MAP3K7CL: variants seen among roughly 807,000 people sequenced by gnomAD.
MAP3K7CL encodes MAP3K7 C-terminal-like protein.
MAP3K7CL carries 16 observed loss-of-function variants against 18.6 expected under a neutral mutation model. The ratio of observed to expected loss-of-function variants is 0.86; its 90% CI spans 0.58 to 1.31. The LOEUF (loss-of-function observed/expected upper bound fraction) is 1.31. MAP3K7CL is among the 50% of genes most tolerant of loss of function. The pLI is 0.00. For missense variants in MAP3K7CL, 163 were observed against 174.4 expected (o/e 0.93, Z 0.37); for synonymous variants, 65 against 66.8 (o/e 0.97, Z 0.13).
intron 2 of MAP3K7CL, among the ~76,000 whole-genome samples, chr21:29,145,275 A>AT (rs368444105): frequency 0.024 from 3,657 of 149,938 alleles, 133 homozygotes; most frequent in African/African-American, 0.083. Context: ...TCAAGCAACT[A>AT]TTTTTTTTTT....
intron 4 of MAP3K7CL, among the ~76,000 whole-genome samples, chr21:29,124,912 G>T (rs1210709479): frequency 6.6e-6 from 1 of 152,148 alleles, no homozygotes; most frequent in Non-Finnish European, 1.5e-5. Flanking sequence ...AACAGAAAGT[G>T]TATGGCCTGA....
chr21:29,086,870 T>C (rs996560401), intron 1 of MAP3K7CL, among the ~76,000 whole-genome samples: 3 of 152,226 alleles, frequency 2.0e-5, no homozygotes, highest in Admixed American at 6.5e-5. Context: ...CTTTCCTGAG[T>C]ATTCACTCTG....
chr21:29,160,862 G>A (rs546951297), intron 4 of MAP3K7CL, among the ~76,000 whole-genome samples: 2 of 152,342 alleles, frequency 1.3e-5, no homozygotes, highest in South Asian at 4.1e-4. Flanking sequence ...AGCCTGGTAT[G>A]ATATGTGGCA....
chr21:29,101,323 G>A (rs143608847), intron 4 of MAP3K7CL, among the ~76,000 whole-genome samples: 10 of 152,324 alleles, frequency 6.6e-5, no homozygotes, highest in African/African-American at 2.4e-4. Flanking sequence ...TAGATACTGG[G>A]TCAAGTAATA....
chr21:29,106,436 G>A (rs1365258924), intron 4 of MAP3K7CL, among the ~76,000 whole-genome samples: 1 of 152,100 alleles, frequency 6.6e-6, no homozygotes, highest in African/African-American at 2.4e-5. Context: ...CCTGAAAAAG[G>A]CAGTACTTCC....
intron 3 of MAP3K7CL, among the ~76,000 whole-genome samples, chr21:29,151,988 A>T (rs2087287141): frequency 6.6e-6 from 1 of 151,596 alleles, no homozygotes; most frequent in Non-Finnish European, 1.5e-5. Flanking sequence ...CATGGTTTTG[A>T]TTTTTTTTTC....
At chr21:29,150,637 C>T (rs895580908) in intron 3 of MAP3K7CL, among the ~76,000 whole-genome samples, 1 of 152,136 alleles carries the variant, frequency 6.6e-6, no homozygotes, top group Admixed American at 6.5e-5. Context: ...TTTTTCTATC[C>T]TCCATGCAGG....
chr21:29,077,905 A>G (rs1348738149), intron 1 of MAP3K7CL, among the ~76,000 whole-genome samples: 1 of 152,146 alleles, frequency 6.6e-6, no homozygotes, highest in African/African-American at 2.4e-5. Flanking sequence ...CCTCCAGGAG[A>G]GCTAAAAGCC....
intron 3 of MAP3K7CL, among the ~76,000 whole-genome samples, chr21:29,151,989 T>A (rs2087287236): frequency 6.6e-6 from 1 of 150,548 alleles, no homozygotes; most frequent in Admixed American, 6.6e-5. Flanking sequence ...ATGGTTTTGA[T>A]TTTTTTTTCC....
intron 1 of MAP3K7CL, among the ~76,000 whole-genome samples, chr21:29,078,876 A>G (rs1198087020): frequency 6.6e-6 from 1 of 152,228 alleles, no homozygotes; most frequent in Admixed American, 6.5e-5. Context: ...AGGCATGGCT[A>G]AGGTAAAGTC....
rs535172078 is a variant in MAP3K7CL, at chr21:29,167,063, T to C, written c.248+7007T>C. 7.0e-4 allele frequency among the ~76,000 whole-genome samples: 107 copies of C among 152,374 alleles called. 1 individual carries two copies. Among genetic ancestry groups the C allele is most frequent in the South Asian group, 3.9e-3 (19 of 4,828 alleles). ...AATTTTTCCACATCTTTGCCAACAC[T>C]TCTTGTGCCTTTTAGATTCTAGCCA... On this transcript the variant is annotated intron_variant, in intron 4 of 4. Coordinates refer to ENST00000399928, the MANE Select transcript of MAP3K7CL (RefSeq NM_001286620.2).
intron 4 of MAP3K7CL, among the ~76,000 whole-genome samples, chr21:29,167,866 A>AT (rs2087729782): frequency 1.3e-5 from 2 of 151,706 alleles, no homozygotes; most frequent in African/African-American, 2.4e-5. Context: ...TACCCAGCTA[A>AT]TTTTTTGTAT....
At position 29,100,104 on chromosome 21, in the gene MAP3K7CL, A is replaced by T. The variant is rs1003840341; in HGVS notation, c.370+7523A>T. ...TCTTTAAAAAAAAAAAAAAAAAAAA[A>T]GGAAATGGATCTCCTCCTCCCACCT... On this transcript the variant is annotated intron_variant, in intron 4 of 6. Transcript: ENST00000286791. 5.4e-5 allele frequency among the ~76,000 whole-genome samples: 8 copies of T among 147,288 alleles called. No homozygotes were observed. In the East Asian group the frequency reaches 1.1e-3, roughly 19 times the overall value.
intron 4 of MAP3K7CL, among the ~76,000 whole-genome samples, chr21:29,097,897 T>C (rs906070344): frequency 1.3e-5 from 2 of 152,204 alleles, no homozygotes; most frequent in South Asian, 4.1e-4. Context: ...AAAATGTGTG[T>C]GGGGACAAAC....
rs184052533 is a variant in MAP3K7CL at position 29,078,834 on chromosome 21, C to T, written c.-49+1121C>T. Among the ~76,000 whole-genome samples the T allele has an allele frequency of 3.3e-5, 5 of 152,300 alleles. No individual in the cohort carries two copies. The East Asian group carries it at 9.6e-4, about 29-fold the overall frequency. On this transcript the variant is annotated intron_variant, in intron 1 of 7. Transcript: ENST00000341618. ...CGACTACCATGTTGGTCCCACAGCT[C>T]CACTTAGTTTCTGTCAAGCACACAT...
chr21:29,078,402 TTCAC>T (rs1568921658), intron 1 of MAP3K7CL, among the ~76,000 whole-genome samples: 1 of 152,208 alleles, frequency 6.6e-6, no homozygotes, highest in Non-Finnish European at 1.5e-5. Flanking sequence ...TATACCCTTA[TTCAC>T]TTTCTGAGTT....
At chr21:29,091,767 A>T (rs1328300304) in intron 3 of MAP3K7CL, 2 of 702,302 alleles carry the variant, frequency 2.8e-6, no homozygotes, top group African/African-American at 3.5e-5. Context: ...TACAGGTATG[A>T]ACTACTGCAC....
chr21:29,083,245 T>G (rs2085866596), upstream of MAP3K7CL, among the ~76,000 whole-genome samples: 1 of 152,180 alleles, frequency 6.6e-6, no homozygotes, highest in Non-Finnish European at 1.5e-5. Flanking sequence ...CCAATCCTTA[T>G]CAAATGCCTA....
upstream of MAP3K7CL, among the ~76,000 whole-genome samples, chr21:29,082,172 T>C (rs929927895): frequency 6.6e-6 from 1 of 152,200 alleles, no homozygotes; most frequent in Non-Finnish European, 1.5e-5. Context: ...TCTACTAATA[T>C]TATTAAGTTC....
Sources: allele counts gnomAD v4.1 joint callset (sites outside exome capture counted in the v4.1 genomes callset), GRCh38; gene constraint gnomAD v4.1.1; transcripts MANE v1.5; gene names NCBI Gene and HGNC (gene_info 2026-07-23, HGNC 2026-07-21).